PTPRD: variants seen among roughly 807,000 people sequenced by gnomAD.
PTPRD encodes protein tyrosine phosphatase receptor type D.
In PTPRD, 34 loss-of-function variants were observed where a neutral mutation model predicts 214.5. That is an observed-to-expected ratio of 0.16 (90% CI 0.12 to 0.21). The LOEUF is 0.21. Ranked by LOEUF, PTPRD falls within the 10% of genes least tolerant of loss-of-function variation. The pLI is 1.00. For synonymous variants in PTPRD, 1,128 were observed against 845.7 expected, an observed-to-expected ratio of 1.33 and a Z score of -5.79; for missense variants, 2,545 against 2,398.7, an observed-to-expected ratio of 1.06 and a Z score of -1.27.
intron 14 of PTPRD, among the ~76,000 whole-genome samples, chr9:8,608,903 G>A (rs1356948011): frequency 1.3e-5 from 2 of 152,226 alleles, no homozygotes; most frequent in East Asian, 3.9e-4. Context: ...ATCAGCACAA[G>A]TCAAGTGGTT....
chr9:9,592,403 A>G (rs945742494), intron 7 of PTPRD, among the ~76,000 whole-genome samples: 9 of 152,104 alleles, frequency 5.9e-5, no homozygotes, highest in African/African-American at 2.2e-4. Context: ...ATGTATGCTT[A>G]TATGTTCATA....
intron 39 of PTPRD, among the ~76,000 whole-genome samples, chr9:8,350,312 T>C (rs1037543548): frequency 6.6e-6 from 1 of 152,092 alleles, no homozygotes; most frequent in Non-Finnish European, 1.5e-5. Flanking sequence ...AGAAAGACAA[T>C]AGAATTAGGA....
intron 21 of PTPRD, among the ~76,000 whole-genome samples, chr9:8,512,083 T>C (rs1476743754): frequency 6.6e-6 from 1 of 152,084 alleles, no homozygotes; most frequent in East Asian, 1.9e-4. Flanking sequence ...ATATGAAATA[T>C]GACCAAAGAT....
At chr9:8,796,107 T>C (rs1002767112) in intron 11 of PTPRD, among the ~76,000 whole-genome samples, 2 of 152,208 alleles carry the variant, frequency 1.3e-5, no homozygotes, top group Admixed American at 6.5e-5. Flanking sequence ...ATACTGTTGG[T>C]AGCCACAGCA....
intron 3 of PTPRD, among the ~76,000 whole-genome samples, chr9:10,066,898 T>C (rs772897556): frequency 1.3e-5 from 2 of 151,936 alleles, no homozygotes; most frequent in Middle Eastern, 3.4e-3. Flanking sequence ...GAGTAAAACA[T>C]ATCTTACAGA....
chr9:9,538,586 C>T (rs1027379445), intron 8 of PTPRD, among the ~76,000 whole-genome samples: 2 of 151,850 alleles, frequency 1.3e-5, no homozygotes, highest in African/African-American at 2.4e-5. Flanking sequence ...CTCAGTAATG[C>T]TATGCTGCAT....
At chr9:8,539,627 G>T (rs962721705) in intron 14 of PTPRD, among the ~76,000 whole-genome samples, 2 of 151,988 alleles carry the variant, frequency 1.3e-5, no homozygotes, top group African/African-American at 4.8e-5. Context: ...TCAAATTCTT[G>T]TGCTGAGAAA....
chr9:8,774,856 G>GA (rs1406138295), intron 11 of PTPRD, among the ~76,000 whole-genome samples: 1 of 152,124 alleles, frequency 6.6e-6, no homozygotes. Flanking sequence ...TTTAAAGGGA[G>GA]AAAATATATT....
At chr9:9,137,242 A>G (rs1314049575) in intron 10 of PTPRD, among the ~76,000 whole-genome samples, 1 of 152,156 alleles carries the variant, frequency 6.6e-6, no homozygotes, top group Admixed American at 6.6e-5. Context: ...TATTGTTTCA[A>G]TAATTTATAT....
chr9:8,748,580 C>T (rs940805728), intron 11 of PTPRD, among the ~76,000 whole-genome samples: 7 of 149,340 alleles, frequency 4.7e-5, no homozygotes, highest in East Asian at 3.9e-4. Context: ...TACTTCTTCC[C>T]GTAATTGTCA....
chr9:8,337,548 A>C (rs2132106294), intron 43 of PTPRD, among the ~76,000 whole-genome samples: 1 of 152,156 alleles, frequency 6.6e-6, no homozygotes, highest in Non-Finnish European at 1.5e-5. Flanking sequence ...TGTATAATTA[A>C]ATTATGTAAC....
At chr9:8,703,546 G>T (rs1056598833) in intron 12 of PTPRD, among the ~76,000 whole-genome samples, 1 of 152,092 alleles carries the variant, frequency 6.6e-6, no homozygotes, top group Non-Finnish European at 1.5e-5. Flanking sequence ...GCGGCCTCTA[G>T]GACACAACCT....
intron 2 of PTPRD, among the ~76,000 whole-genome samples, chr9:10,499,975 A>G (rs1338822035): frequency 6.6e-6 from 1 of 151,906 alleles, no homozygotes; most frequent in East Asian, 1.9e-4. Context: ...TTAGCTTTAG[A>G]GTATTGCCTG....
chr9:9,162,100 C>T (rs1372221238), intron 10 of PTPRD, among the ~76,000 whole-genome samples: 1 of 152,126 alleles, frequency 6.6e-6, no homozygotes, highest in Non-Finnish European at 1.5e-5. Context: ...TCTGACTATT[C>T]TATGCCATAT....
At chr9:10,409,699 G>T (rs747181822) in intron 2 of PTPRD, among the ~76,000 whole-genome samples, 1 of 151,736 alleles carries the variant, frequency 6.6e-6, no homozygotes, top group Non-Finnish European at 1.5e-5. Context: ...CCTTTATGTA[G>T]GCCAGGTGTG....
In PTPRD at chr9:8,376,101, G is replaced by A. The variant is rs201905275; in HGVS notation, c.4507-11C>T. Reference sequence around the variant, plus strand: ...CTCACTTGAACCATTCTGTGAAATAGGAATATCAGCTGAAATTCTGTTTTC... The same window carrying A: ...CTCACTTGAACCATTCTGTGAAATAAGAATATCAGCTGAAATTCTGTTTTC... On this transcript the variant is annotated splice_polypyrimidine_tract_variant and intron_variant, in intron 38 of 45. Coordinates refer to ENST00000381196, the MANE Select transcript of PTPRD (RefSeq NM_002839.4). The A allele has an allele frequency of 1.9e-5, 30 of 1,611,270 alleles. No individual in the cohort carries two copies. The highest frequency in any genetic ancestry group is 2.4e-5 in the Non-Finnish European group (28 of 1,178,622).
At chr9:10,288,545 G>C (rs1481433606) in intron 3 of PTPRD, among the ~76,000 whole-genome samples, 2 of 152,124 alleles carry the variant, frequency 1.3e-5, no homozygotes, top group Non-Finnish European at 2.9e-5. Context: ...ATATCTAAAA[G>C]TCCACTACAA....
intron 4 of PTPRD, among the ~76,000 whole-genome samples, chr9:10,009,893 T>G (rs2096561722): frequency 6.6e-6 from 1 of 151,960 alleles, no homozygotes; most frequent in Non-Finnish European, 1.5e-5. Context: ...TTAAGACCTC[T>G]GTTTTAATGG....
intron 2 of PTPRD, among the ~76,000 whole-genome samples, chr9:10,378,759 G>A (rs1322094132): frequency 6.6e-6 from 1 of 151,792 alleles, no homozygotes; most frequent in Non-Finnish European, 1.5e-5. Flanking sequence ...TGAATCCCCT[G>A]GTTTTGTACC....
Sources: gnomAD v4.1 joint callset for allele counts (sites outside exome capture counted in the v4.1 genomes callset) on GRCh38, gnomAD v4.1.1 for gene constraint, MANE v1.5 for transcripts, NCBI Gene and HGNC (gene_info 2026-07-23, HGNC 2026-07-21) for gene names.